MED13L: variants seen among roughly 807,000 people sequenced by gnomAD.
The protein encoded by MED13L is mediator of RNA polymerase II transcription subunit 13-like.
In MED13L, 7 loss-of-function variants were observed where a neutral mutation model predicts 220.9. That is an observed-to-expected ratio of 0.03 (90% CI 0.02 to 0.06). The LOEUF (loss-of-function observed/expected upper bound fraction) is 0.06, where lower values mean the gene tolerates loss of function less well. Among genes scored for constraint, MED13L ranks in the 10% least tolerant of loss-of-function variants. The pLI, the probability that MED13L is intolerant of heterozygous loss-of-function variation, is 1.00. For synonymous variants in MED13L, 1,011 were observed against 1,015.2 expected, an observed-to-expected ratio of 1.00 and a Z score of 0.08; for missense variants, 1,965 against 2,760.5, an observed-to-expected ratio of 0.71 and a Z score of 6.46.
intron 2 of MED13L, among the ~76,000 whole-genome samples, chr12:116,153,332 G>A (rs1878196785): frequency 6.6e-6 from 1 of 152,078 alleles, no homozygotes; most frequent in Non-Finnish European, 1.5e-5. Context: ...GCAGCTAAAA[G>A]CCAAAATGTG....
In MED13L at chr12:116,046,211, G is replaced by A. The variant is rs1881824219; in HGVS notation, c.480-23610C>T. Among the ~76,000 whole-genome samples the A allele has an allele frequency of 2.6e-5, 4 of 151,836 alleles. No individual in the cohort carries two copies. In the South Asian group the frequency reaches 8.3e-4, roughly 31 times the overall value. On this transcript the variant is annotated intron_variant, in intron 4 of 30. Transcript: ENST00000281928. ...ACTGGAGTTCTGTTTGACAAGTGCT[G>A]AGTTTTTTATTTTCAAAAGCTGAAT... is the stretch of plus-strand genomic sequence containing the variant.
chr12:116,061,647 A>C (rs1869497468), intron 4 of MED13L, among the ~76,000 whole-genome samples: 1 of 152,182 alleles, frequency 6.6e-6, no homozygotes, highest in South Asian at 2.1e-4. Context: ...CAAATTACCT[A>C]ATGTGAGTTT....
At chr12:116,145,808 G>A (rs375134511) in intron 2 of MED13L, among the ~76,000 whole-genome samples, 1 of 151,610 alleles carries the variant, frequency 6.6e-6, no homozygotes, top group African/African-American at 2.4e-5. Context: ...ACTAAATCTA[G>A]GTGACAGCCA....
chr12:116,009,354 T>C (rs953740085), intron 9 of MED13L, among the ~76,000 whole-genome samples: 2 of 152,128 alleles, frequency 1.3e-5, no homozygotes, highest in Admixed American at 1.3e-4. Flanking sequence ...CAGCAAAAGA[T>C]GTAAGGTACA....
In MED13L at chr12:116,080,536, C is replaced by G. The variant is rs531052538; in HGVS notation, c.479+16133G>C. Among the ~76,000 whole-genome samples the G allele has an allele frequency of 6.6e-5, 10 of 152,238 alleles. No homozygotes were observed. In the South Asian group the frequency reaches 2.1e-3, roughly 32 times the overall value. ...TCACAAGGGTACTATAGGACATTCTCAATTTCTTAGGAAATCAAAGTAACA... is the reference window on the plus strand; with the variant it reads ...TCACAAGGGTACTATAGGACATTCTGAATTTCTTAGGAAATCAAAGTAACA... On this transcript the variant is annotated intron_variant, in intron 4 of 30. Transcript: ENST00000281928.
intron 27 of MED13L, 96 bp downstream of exon 27, chr12:115,970,498 T>A: frequency 4.5e-6 from 6 of 1,343,014 alleles, no homozygotes; most frequent in Non-Finnish European, 6.4e-6. Flanking sequence ...GGTTGTTTAT[T>A]ACAACACAGA....
At chr12:116,144,067 CTG>C (rs1877289949) in intron 2 of MED13L, among the ~76,000 whole-genome samples, 1 of 152,154 alleles carries the variant, frequency 6.6e-6, no homozygotes, top group African/African-American at 2.4e-5. Context: ...TCCTTTGCCC[CTG>C]TGTTCCATAC....
intron 23 of MED13L, among the ~76,000 whole-genome samples, chr12:115,977,229 C>T (rs1408228250): frequency 6.6e-6 from 1 of 152,158 alleles, no homozygotes; most frequent in Admixed American, 6.5e-5. Flanking sequence ...CAGCCCAAAT[C>T]CATAGTTGCT....
At chr12:116,032,177 T>A (rs1880892663) in intron 4 of MED13L, among the ~76,000 whole-genome samples, 1 of 152,262 alleles carries the variant, frequency 6.6e-6, no homozygotes, top group East Asian at 1.9e-4. Context: ...ATATAATAAA[T>A]ACCATAAAGA....
chr12:116,077,111 C>T (rs148918913), intron 4 of MED13L, among the ~76,000 whole-genome samples: 152 of 152,320 alleles, frequency 1.0e-3, no homozygotes, highest in Non-Finnish European at 1.8e-3. Context: ...TCAAAGCCCA[C>T]TTTAACTTCA....
intron 1 of MED13L, chr12:116,276,758 C>A: frequency 7.7e-7 from 1 of 1,301,422 alleles, no homozygotes; most frequent in Non-Finnish European, 9.9e-7. Flanking sequence ...AGTGCGATTG[C>A]AACAGAGGGT....
At chr12:116,172,927 C>CAAAAAA (rs560335454) in intron 2 of MED13L, among the ~76,000 whole-genome samples, 10 of 60,000 alleles carry the variant, frequency 1.7e-4, no homozygotes, top group Non-Finnish European at 2.0e-4. Flanking sequence ...CCATTTAAGA[C>CAAAAAA]AAAAAAAAAA....
chr12:116,127,105 A>T (rs1260430161), intron 2 of MED13L, among the ~76,000 whole-genome samples: 1 of 152,222 alleles, frequency 6.6e-6, no homozygotes, highest in Non-Finnish European at 1.5e-5. Flanking sequence ...CCATAGTTTA[A>T]ATACCAGCTA....
In MED13L at chr12:116,277,288, G is replaced by T. The variant is rs937650409; in HGVS notation, c.-157C>A. 2 of 12,896 alleles carry T rather than the reference G, an allele frequency of 1.6e-4. No individual in the cohort carries two copies. Among genetic ancestry groups the T allele is most frequent in the African/African-American group, 4.9e-3 (2 of 410 alleles). 0.8% of individuals were successfully genotyped at this position (12,896 alleles called of 1,614,324 possible). On this transcript the variant is annotated 5_prime_UTR_variant, in exon 1 of 31. Coordinates refer to ENST00000281928, the MANE Select transcript of MED13L (RefSeq NM_015335.5). ...GCGAGGGCCGGCGGGCAGGCGGGAG[G>T]CGCCGCGGCGACGCCGCGCCGGGGG...
intron 22 of MED13L, among the ~76,000 whole-genome samples, chr12:115,981,253 G>T (rs1164334864): frequency 6.6e-6 from 1 of 151,998 alleles, no homozygotes; most frequent in Non-Finnish European, 1.5e-5. Context: ...TATTACCATG[G>T]CCCCAAAATT....
intron 2 of MED13L, among the ~76,000 whole-genome samples, chr12:116,151,810 T>C (rs1426267917): frequency 6.6e-6 from 1 of 152,198 alleles, no homozygotes; most frequent in African/African-American, 2.4e-5. Context: ...GTAGGTCTTT[T>C]AGAAATACAT....
intron 1 of MED13L, among the ~76,000 whole-genome samples, chr12:116,244,688 C>G (rs1182298621): frequency 6.6e-6 from 1 of 152,200 alleles, no homozygotes; most frequent in African/African-American, 2.4e-5. Flanking sequence ...CAGTGGCTCA[C>G]GCCTGTAATT....
At chr12:116,071,321 G>T (rs569902185) in intron 4 of MED13L, among the ~76,000 whole-genome samples, 1 of 152,318 alleles carries the variant, frequency 6.6e-6, no homozygotes, top group African/African-American at 2.4e-5. Context: ...CTGTCAAGGT[G>T]TTTCAAGAAA....
At chr12:116,075,914 T>A (rs1325336319) in intron 4 of MED13L, among the ~76,000 whole-genome samples, 1 of 109,882 alleles carries the variant, frequency 9.1e-6, no homozygotes, top group Non-Finnish European at 2.2e-5. Flanking sequence ...CAGAAGATTT[T>A]TTTTTTTTTT....
Sources: gnomAD v4.1 joint callset for allele counts (sites outside exome capture counted in the v4.1 genomes callset) on GRCh38, gnomAD v4.1.1 for gene constraint, MANE v1.5 for transcripts, NCBI Gene and HGNC (gene_info 2026-07-23, HGNC 2026-07-21) for gene names.